The following AEBP2 variants were observed in gnomAD, a reference collection of about 807,000 sequenced individuals.
AEBP2 encodes the protein zinc finger protein AEBP2.
A neutral mutation model predicts 50.8 loss-of-function variants in AEBP2; 10 were observed. The ratio of observed to expected loss-of-function variants is 0.20; its 90% CI spans 0.12 to 0.33. The LOEUF is 0.33. Ranked by LOEUF, AEBP2 falls within the 10% of genes least tolerant of loss-of-function variation. AEBP2 has a pLI of 1.00. For missense variants in AEBP2, 570 were observed against 688.0 expected (o/e 0.83, Z 1.92); for synonymous variants, 296 against 261.3 (o/e 1.13, Z -1.28).
chr12:19,455,410 A>T (rs528969650), intron 1 of AEBP2, among the ~76,000 whole-genome samples: 1 of 152,338 alleles, frequency 6.6e-6, no homozygotes, highest in South Asian at 2.1e-4. Flanking sequence ...AAACCATGTT[A>T]GTGAACTTTT....
intron 3 of AEBP2, among the ~76,000 whole-genome samples, chr12:19,491,114 C>G (rs1244053354): frequency 1.3e-5 from 2 of 152,066 alleles, no homozygotes; most frequent in Non-Finnish European, 2.9e-5. Flanking sequence ...TGGCAGTGGA[C>G]CAGGTAGTTC....
At chr12:19,515,512 T>C (rs1236359307) in intron 7 of AEBP2, among the ~76,000 whole-genome samples, 4 of 152,232 alleles carry the variant, frequency 2.6e-5, no homozygotes, top group African/African-American at 9.6e-5. Context: ...CCAAATGATG[T>C]ACACGAGAGT....
chr12:19,424,363 A>C (rs1357520328), intron 1 of AEBP2, among the ~76,000 whole-genome samples: 1 of 152,078 alleles, frequency 6.6e-6, no homozygotes, highest in Non-Finnish European at 1.5e-5. Flanking sequence ...TCAAGATGCA[A>C]AGTAAAGGTT....
chr12:19,476,673 A>G (rs150757046), intron 3 of AEBP2, among the ~76,000 whole-genome samples: 6 of 152,290 alleles, frequency 3.9e-5, no homozygotes, highest in Non-Finnish European at 8.8e-5. Context: ...ACATTGGTCT[A>G]TGTGTCTGTT....
At chr12:19,461,040 A>G (rs1420670906) in intron 1 of AEBP2, among the ~76,000 whole-genome samples, 3 of 152,184 alleles carry the variant, frequency 2.0e-5, no homozygotes, top group African/African-American at 7.2e-5. Flanking sequence ...GAAACAGATT[A>G]CAGATAGCAA....
At chr12:19,440,778 C>T (rs899349278) in intron 1 of AEBP2, 1 of 1,532,130 alleles carries the variant, frequency 6.5e-7, no homozygotes, top group Non-Finnish European at 8.7e-7. Flanking sequence ...CTACAATTGA[C>T]AAGTGTTTCC....
rs549535058 is a variant in AEBP2, at chr12:19,467,406, G to T, written c.879+4689G>T. Among the ~76,000 whole-genome samples, 4 of 152,254 alleles carry T rather than the reference G, an allele frequency of 2.6e-5. 1 individual carries two copies. The highest frequency in any genetic ancestry group is 9.6e-5 in the African/African-American group (4 of 41,554). ...CCTCCCAGGTTCGAGTGATGCTCCT[G>T]TGTCAGCCTCCTAAGTAGCTGGGAC... is the stretch of plus-strand genomic sequence containing the variant. On this transcript the variant is annotated intron_variant, in intron 2 of 7. Transcript: ENST00000266508.
chr12:19,512,262 CA>C, intron 5 of AEBP2, 135 bp from the exon 6 acceptor site: 1 of 511,798 alleles, frequency 2.0e-6, no homozygotes, highest in Non-Finnish European at 3.5e-6. Flanking sequence ...CCTTATGATC[CA>C]CCCGCCTTGG....
Position 19,473,465 on chromosome 12 carries a change from G to T in AEBP2, c.987+110G>T, listed in dbSNP as rs527675418. 5.0e-3 allele frequency: 1,827 copies of T among 362,776 alleles called. 12 individuals carry two copies. Among genetic ancestry groups the T allele is most frequent in the Non-Finnish European group, 6.4e-3 (1,542 of 242,696 alleles). 22.5% of individuals were successfully genotyped at this position (362,776 alleles called of 1,614,324 possible). A position where few individuals can be genotyped will look rare whatever the true frequency, so the allele number is the denominator to read the frequency against. On this transcript the variant is annotated intron_variant, in intron 3 of 7. Coordinates refer to ENST00000266508, the MANE Select transcript of AEBP2 (RefSeq NM_153207.5). ...CTGTTGCCCAGGCTGGAGTGCAATG[G>T]TGCCATCTTGGCTCCCTGCAGCCTC...
At chr12:19,494,102 T>C (rs1312159014) in intron 4 of AEBP2, 116 bp downstream of exon 4, 1 of 1,130,180 alleles carries the variant, frequency 8.8e-7, no homozygotes. Context: ...AACAAACAGG[T>C]AGGATGCCTG....
chr12:19,439,903 A>AGGCGGCGGCGGAGGAGTGGGG lies in AEBP2; in HGVS notation c.212_232dup (p.Gly71_Gly77dup). ...ACGGCGGCAGCGGTGGGGGCGGCGG[A>AGGCGGCGGCGGAGGAGTGGGG]GGCGGCGGCGGAGGAGTGGGGGGCG... On this transcript the variant is annotated inframe_insertion, in exon 1 of 8. Transcript: ENST00000266508. The AGGCGGCGGCGGAGGAGTGGGG allele has an allele frequency of 6.8e-7, 1 of 1,473,014 alleles. No homozygotes were observed. The allele number at this position is 1,473,014 out of a possible 1,614,324, so 91.2% of individuals were successfully genotyped here.
At chr12:19,514,282 G>A (rs1342874422) in intron 6 of AEBP2, among the ~76,000 whole-genome samples, 1 of 152,086 alleles carries the variant, frequency 6.6e-6, no homozygotes, top group Non-Finnish European at 1.5e-5. Flanking sequence ...TTAGAGGAAG[G>A]AGCCACCGCA....
upstream of AEBP2, among the ~76,000 whole-genome samples, chr12:19,438,835 G>T (rs1592713113): frequency 6.6e-6 from 1 of 152,250 alleles, no homozygotes; most frequent in East Asian, 1.9e-4. Flanking sequence ...ATATTAGTGG[G>T]TGTTAAATCC....
intron 2 of AEBP2, among the ~76,000 whole-genome samples, chr12:19,469,335 A>AT (rs1386395585): frequency 6.6e-6 from 1 of 152,198 alleles, no homozygotes; most frequent in Non-Finnish European, 1.5e-5. Context: ...AGTGTCTAAT[A>AT]TAAACCCAGT....
intron 4 of AEBP2, among the ~76,000 whole-genome samples, chr12:19,496,267 T>C (rs1948979303): frequency 6.6e-6 from 1 of 152,198 alleles, no homozygotes. Flanking sequence ...GTGGTGTTTT[T>C]CCTCATATTA....
intron 3 of AEBP2, among the ~76,000 whole-genome samples, chr12:19,481,467 T>C (rs556187485): frequency 5.9e-5 from 9 of 151,552 alleles, no homozygotes; most frequent in African/African-American, 2.2e-4. Context: ...TTGTTGTTTC[T>C]TTTCTTTTCT....
chr12:19,413,138 A>T, intron 1 of AEBP2: 1 of 721,784 alleles, frequency 1.4e-6, no homozygotes, highest in Non-Finnish European at 2.6e-6. Context: ...GTTCTGACCC[A>T]AGTTTAGCCG....
At chr12:19,512,117 G>A (rs964504282) in intron 5 of AEBP2, among the ~76,000 whole-genome samples, 5 of 152,072 alleles carry the variant, frequency 3.3e-5, no homozygotes, top group Non-Finnish European at 7.4e-5. Flanking sequence ...CACCTCCTGG[G>A]TTCAAGTGAT....
chr12:19,440,014 G>T lies in AEBP2; in HGVS notation c.315G>T (p.Glu105Asp). Reference protein sequence around the residue: ...EDEDEEEDDEEEEDESSSSGG... With the variant: ...EDEDEEEDDEDEEDESSSSGG... The stretch of plus-strand genomic sequence containing the variant: ...AAGACGAGGAGGAGGACGACGAGGA[G>T]GAGGAAGATGAGAGCAGCAGCAGCG... Residue 105 changes from glutamate (E) to aspartate (D), a missense_variant, in exon 1 of 8, where the codon GAG becomes GAT. Glu to Asp is a conservative substitution (Grantham distance 45). Transcript: ENST00000266508. 6.6e-7 allele frequency: 1 copy of T among 1,525,964 alleles called. No individual in the cohort carries two copies. The highest frequency in any genetic ancestry group is 8.8e-7 in the Non-Finnish European group (1 of 1,142,562). The allele number at this position is 1,525,964 out of a possible 1,614,324, so 94.5% of individuals were successfully genotyped here.
Sources: gnomAD v4.1 joint callset for allele counts (sites outside exome capture counted in the v4.1 genomes callset) on GRCh38, gnomAD v4.1.1 for gene constraint, MANE v1.5 for transcripts, NCBI Gene and HGNC (gene_info 2026-07-23, HGNC 2026-07-21) for gene names.